Variants in SLMAP observed in about 807,000 individuals in gnomAD.
The protein encoded by SLMAP is sarcolemma associated protein, also known as sarcolemmal membrane-associated protein.
A neutral mutation model predicts 128.8 loss-of-function variants in SLMAP; 44 were observed. The ratio of observed to expected loss-of-function variants is 0.34; its 90% CI spans 0.27 to 0.44. The LOEUF is 0.44. Among genes scored for constraint, SLMAP ranks in the 20% least tolerant of loss-of-function variants. The pLI, the probability that SLMAP is intolerant of heterozygous loss-of-function variation, is 1.00. For synonymous variants in SLMAP, 327 were observed against 348.8 expected (o/e 0.94, Z 0.70); for missense variants, 787 against 985.3 (o/e 0.80, Z 2.69).
intron 2 of SLMAP, among the ~76,000 whole-genome samples, chr3:57,764,552 A>G (rs1036818400): frequency 3.9e-5 from 6 of 152,180 alleles, no homozygotes; most frequent in Non-Finnish European, 5.9e-5. Flanking sequence ...TAGTGATACA[A>G]TAGCAGTATG....
At chr3:57,840,379 C>T (rs1004394724) in intron 3 of SLMAP, among the ~76,000 whole-genome samples, 2 of 152,184 alleles carry the variant, frequency 1.3e-5, no homozygotes, top group Non-Finnish European at 2.9e-5. Context: ...CTCCCCTAAT[C>T]ATGATGTAGT....
chr3:57,829,974 AC>A (rs1201369343), intron 2 of SLMAP, among the ~76,000 whole-genome samples: 1 of 152,210 alleles, frequency 6.6e-6, no homozygotes. Context: ...TTTGAAAGAT[AC>A]TTAATATACC....
chr3:57,892,957 C>T (rs767986666), intron 15 of SLMAP, among the ~76,000 whole-genome samples: 15 of 151,526 alleles, frequency 9.9e-5, no homozygotes, highest in Admixed American at 6.6e-5. Flanking sequence ...CCTTAGCCTC[C>T]CAAGTAGCTG....
chr3:57,863,048 C>G (rs2095160377), intron 10 of SLMAP, among the ~76,000 whole-genome samples: 1 of 152,062 alleles, frequency 6.6e-6, no homozygotes, highest in Non-Finnish European at 1.5e-5. Context: ...GTTTTAAAAC[C>G]TAAAACTGCT....
chr3:57,817,650 T>A (rs914226305), intron 2 of SLMAP, among the ~76,000 whole-genome samples: 2 of 152,210 alleles, frequency 1.3e-5, no homozygotes, highest in Non-Finnish European at 2.9e-5. Context: ...TTCTGTTGGC[T>A]CATGTGGGAT....
At chr3:57,843,305 CTTTTT>C in intron 4 of SLMAP, among the ~76,000 whole-genome samples, 41 of 92,126 alleles carry the variant, frequency 4.5e-4, no homozygotes, top group East Asian at 3.6e-3. Flanking sequence ...CTTTCTTTTC[CTTTTT>C]TTTTTTTTTT....
At position 57,805,860 on chromosome 3, in the gene SLMAP, TG is replaced by T. The variant is rs1272488837; in HGVS notation, c.199-25522del. On this transcript the variant is annotated intron_variant, in intron 2 of 24. Transcript: ENST00000671191. The stretch of plus-strand genomic sequence containing the variant: ...CCCACACTATGTTGTGTCTTACCTT[TG>T]TTTTTCATGATGTTTCAAGTCCCCT... Among the ~76,000 whole-genome samples the T allele has an allele frequency of 9.9e-5, 15 of 152,266 alleles. No homozygotes were observed. In the East Asian group the frequency reaches 2.9e-3, roughly 29 times the overall value.
chr3:57,806,026 T>TG (rs1313498742), intron 2 of SLMAP, among the ~76,000 whole-genome samples: 1 of 151,948 alleles, frequency 6.6e-6, no homozygotes, highest in African/African-American at 2.4e-5. Context: ...AGGGTTTTTT[T>TG]TTTGTTTGTT....
intron 6 of SLMAP, among the ~76,000 whole-genome samples, chr3:57,856,128 T>C (rs2094776595): frequency 6.6e-6 from 1 of 152,000 alleles, no homozygotes; most frequent in Admixed American, 6.6e-5. Flanking sequence ...AGGAGGATCA[T>C]AAGCTCAGGA....
intron 2 of SLMAP, among the ~76,000 whole-genome samples, chr3:57,815,835 A>G (rs1013645931): frequency 4.6e-5 from 7 of 152,170 alleles, no homozygotes; most frequent in Non-Finnish European, 1.0e-4. Flanking sequence ...AACCTTTACC[A>G]TTAAAGGAAA....
intron 2 of SLMAP, among the ~76,000 whole-genome samples, chr3:57,772,222 G>A (rs2081034478): frequency 6.6e-6 from 1 of 152,188 alleles, no homozygotes; most frequent in Non-Finnish European, 1.5e-5. Context: ...TGGTGTATAT[G>A]TCCTTGGTGT....
intron 4 of SLMAP, among the ~76,000 whole-genome samples, chr3:57,843,376 G>T (rs1246186078): frequency 8.2e-6 from 1 of 122,654 alleles, no homozygotes; most frequent in African/African-American, 3.2e-5. Context: ...TAGTAATCTC[G>T]GCTTGCTGCA....
intron 5 of SLMAP, among the ~76,000 whole-genome samples, 170 bp from the exon 6 acceptor site, chr3:57,849,584 C>T (rs974828539): frequency 1.4e-4 from 21 of 151,986 alleles, no homozygotes; most frequent in African/African-American, 2.9e-4. Flanking sequence ...GCTATATTTC[C>T]GTCAGAAAAG....
Position 57,817,102 on chromosome 3 carries a change from A to G in SLMAP, c.199-14281A>G, listed in dbSNP as rs887050944. On this transcript the variant is annotated intron_variant, in intron 2 of 24. Transcript: ENST00000671191. ...CAACAGTCTTTTTATAAAGTGAAAC[A>G]ATGTGATCAGGTTTGTGTTTTAGGA... Among the ~76,000 whole-genome samples the G allele has an allele frequency of 2.0e-5, 3 of 152,206 alleles. No individual in the cohort carries two copies. The South Asian group carries it at 6.2e-4, about 32-fold the overall frequency.
intron 2 of SLMAP, among the ~76,000 whole-genome samples, chr3:57,820,966 G>A (rs1335969650): frequency 1.3e-5 from 2 of 152,150 alleles, no homozygotes; most frequent in Non-Finnish European, 2.9e-5. Context: ...GACCCTGACA[G>A]GTATATAGAG....
intron 2 of SLMAP, among the ~76,000 whole-genome samples, chr3:57,796,297 C>T (rs2086718625): frequency 6.6e-6 from 1 of 152,184 alleles, no homozygotes; most frequent in Non-Finnish European, 1.5e-5. Context: ...AAAAGTCCCT[C>T]AGCTGTTTTG....
intron 14 of SLMAP, among the ~76,000 whole-genome samples, chr3:57,885,379 G>T (rs1410156929): frequency 7.1e-6 from 1 of 141,684 alleles, no homozygotes; most frequent in Non-Finnish European, 1.5e-5. Context: ...CAGCTTGTTT[G>T]TTGTTGTTGT....
chr3:57,897,150 CAA>C, intron 17 of SLMAP: 1 of 1,295,286 alleles, frequency 7.7e-7, no homozygotes, highest in Non-Finnish European at 1.0e-6. Context: ...TTACGAGGGA[CAA>C]AGTGTTAAGT....
chr3:57,861,729 T>A (rs2095074411), intron 9 of SLMAP, among the ~76,000 whole-genome samples: 1 of 152,206 alleles, frequency 6.6e-6, no homozygotes, highest in Non-Finnish European at 1.5e-5. Context: ...CCCTCCACTT[T>A]TATTTTTTTG....
Sources: allele counts gnomAD v4.1 joint callset (sites outside exome capture counted in the v4.1 genomes callset), GRCh38; gene constraint gnomAD v4.1.1; transcripts MANE v1.5; gene names NCBI Gene and HGNC (gene_info 2026-07-23, HGNC 2026-07-21).